Variants in C10orf90 observed in about 807,000 individuals in gnomAD.
The protein encoded by C10orf90 is chromosome 10 open reading frame 90, also known as (E2-independent) E3 ubiquitin-conjugating enzyme FATS.
C10orf90 carries 56 observed loss-of-function variants against 62.5 expected under a neutral mutation model. The ratio of observed to expected loss-of-function variants is 0.90; its 90% CI spans 0.72 to 1.12. The LOEUF is 1.12. C10orf90 is among the 50% of genes most tolerant of loss of function. The pLI is 0.00. For synonymous variants in C10orf90, 386 were observed against 340.4 expected (o/e 1.13, Z -1.47); for missense variants, 970 against 880.4 (o/e 1.10, Z -1.29).
In C10orf90 at chr10:126,527,353, TTTC is replaced by T. The variant is rs1386010741; in HGVS notation, c.314-13417_314-13415del. Among the ~76,000 whole-genome samples the T allele has an allele frequency of 3.3e-5, 5 of 152,346 alleles. No individual in the cohort carries two copies. In the East Asian group the frequency reaches 7.7e-4, roughly 23 times the overall value. ...TTCATGTGCTTATTGGCCATTTGCC[TTTC>T]TTCTTTGGAAAAATGTCTATCCAGA... On this transcript the variant is annotated intron_variant, in intron 2 of 9. Coordinates refer to ENST00000488181, the MANE Select transcript of C10orf90 (RefSeq NM_001350921.2).
intron 1 of C10orf90, among the ~76,000 whole-genome samples, chr10:126,668,844 C>T (rs1457615893): frequency 1.3e-5 from 2 of 152,114 alleles, no homozygotes; most frequent in African/African-American, 4.8e-5. Flanking sequence ...GTAGCTGTGA[C>T]TGTCATATAT....
chr10:126,457,112 C>G (rs995646613), intron 7 of C10orf90, among the ~76,000 whole-genome samples: 4 of 152,174 alleles, frequency 2.6e-5, no homozygotes, highest in Non-Finnish European at 5.9e-5. Flanking sequence ...CCTCAGCCTC[C>G]CAAGTAGCTG....
chr10:126,491,664 T>C (rs1861781109), intron 4 of C10orf90, among the ~76,000 whole-genome samples: 1 of 152,220 alleles, frequency 6.6e-6, no homozygotes, highest in Admixed American at 6.5e-5. Flanking sequence ...GAGGAGCTTT[T>C]GTGATTCACA....
rs529570297 is a variant in C10orf90, at chr10:126,485,803, C to T, written c.1534+18154G>A. On this transcript the variant is annotated intron_variant, in intron 4 of 9. Transcript: ENST00000488181. Reference sequence around the variant, plus strand: ...AAAAAAAAAAATACAAAAAATTAGCCGGGCGTCGTGGTGGGCACCTGTAGT... The same window carrying T: ...AAAAAAAAAAATACAAAAAATTAGCTGGGCGTCGTGGTGGGCACCTGTAGT... Among the ~76,000 whole-genome samples the T allele has an allele frequency of 1.6e-4, 24 of 151,588 alleles. 1 individual carries two copies. In the East Asian group the frequency reaches 3.3e-3, roughly 21 times the overall value.
intron 2 of C10orf90, among the ~76,000 whole-genome samples, chr10:126,526,526 G>A (rs920274898): frequency 9.9e-5 from 15 of 152,166 alleles, no homozygotes; most frequent in Admixed American, 7.9e-4. Flanking sequence ...TTACAGGTGT[G>A]AGCCACCGCA....
Position 126,597,146 on chromosome 10 carries a change from T to G in C10orf90, c.313+49419A>C, listed in dbSNP as rs539809342. ...TTCACTTTGGAATACTGTTTGGCAA[T>G]TTCTTATAAAGTTAAATATATGTTT... On this transcript the variant is annotated intron_variant, in intron 2 of 9. Coordinates refer to ENST00000488181, the MANE Select transcript of C10orf90 (RefSeq NM_001350921.2). 4.6e-5 allele frequency among the ~76,000 whole-genome samples: 7 copies of G among 152,338 alleles called. No individual in the cohort carries two copies. The East Asian group carries it at 1.3e-3, about 29-fold the overall frequency.
rs183727821 is a variant in C10orf90, at chr10:126,602,686, T to C, written c.313+43879A>G. ...TCATTTGCTCTGATAGTAGAGGCAATTTAACCCCTCAAAAAGCAAGATGGG... is the reference window on the plus strand; with the variant it reads ...TCATTTGCTCTGATAGTAGAGGCAACTTAACCCCTCAAAAAGCAAGATGGG... On this transcript the variant is annotated intron_variant, in intron 2 of 9. Coordinates refer to ENST00000488181, the MANE Select transcript of C10orf90 (RefSeq NM_001350921.2). Among the ~76,000 whole-genome samples, 5 of 152,142 alleles carry C rather than the reference T, an allele frequency of 3.3e-5. No individual in the cohort carries two copies. The East Asian group carries it at 9.7e-4, about 29-fold the overall frequency.
At chr10:126,573,796 A>G (rs781307332) in intron 2 of C10orf90, among the ~76,000 whole-genome samples, 17 of 152,176 alleles carry the variant, frequency 1.1e-4, no homozygotes, top group Admixed American at 2.6e-4. Flanking sequence ...GAAACTCAGA[A>G]AGTATTTCAC....
chr10:126,489,224 G>GA (rs1189870981), intron 4 of C10orf90, among the ~76,000 whole-genome samples: 2 of 151,948 alleles, frequency 1.3e-5, no homozygotes, highest in Admixed American at 6.6e-5. Context: ...TGTAACATAT[G>GA]AAAAAATCAA....
chr10:126,545,524 G>T (rs983428133), intron 2 of C10orf90, among the ~76,000 whole-genome samples: 2 of 151,946 alleles, frequency 1.3e-5, no homozygotes, highest in Non-Finnish European at 2.9e-5. Flanking sequence ...GCTACTTCAG[G>T]CTTACTCTAG....
rs144367116 is a variant in C10orf90 at position 126,628,605 on chromosome 10, A to G, written c.313+17960T>C. On this transcript the variant is annotated intron_variant, in intron 2 of 9. Coordinates refer to ENST00000488181, the MANE Select transcript of C10orf90 (RefSeq NM_001350921.2). ...ATCTTGCTAGAGGTCAGGCTCCCCA[A>G]TGCAAGGCAAGTTCTATTGGCTCTG... is the stretch of plus-strand genomic sequence containing the variant. Among the ~76,000 whole-genome samples, 81 of 152,316 alleles carry G rather than the reference A, an allele frequency of 5.3e-4. 1 individual carries two copies. Among genetic ancestry groups the G allele is most frequent in the Middle Eastern group, 3.4e-3 (1 of 294 alleles).
At chr10:126,554,064 G>A (rs746448632) in intron 2 of C10orf90, among the ~76,000 whole-genome samples, 3 of 151,244 alleles carry the variant, frequency 2.0e-5, no homozygotes, top group African/African-American at 4.9e-5. Flanking sequence ...AGACACACAC[G>A]CACACACACA....
intron 2 of C10orf90, among the ~76,000 whole-genome samples, chr10:126,527,680 C>T (rs1318438981): frequency 1.3e-5 from 2 of 152,204 alleles, no homozygotes; most frequent in African/African-American, 4.8e-5. Context: ...GCCTCAGCTT[C>T]CCCATCTGCG....
chr10:126,594,591 A>G (rs942142929), intron 2 of C10orf90, among the ~76,000 whole-genome samples: 1 of 152,210 alleles, frequency 6.6e-6, no homozygotes, highest in African/African-American at 2.4e-5. Flanking sequence ...AAATAAATAT[A>G]TAAATAAGTA....
intron 2 of C10orf90, among the ~76,000 whole-genome samples, chr10:126,602,877 A>T (rs1233723272): frequency 1.3e-5 from 2 of 151,782 alleles, no homozygotes; most frequent in Non-Finnish European, 2.9e-5. Flanking sequence ...GTTGAAATAC[A>T]TTCCAAAGGG....
chr10:126,564,749 T>A (rs1277588904), intron 2 of C10orf90, among the ~76,000 whole-genome samples: 1 of 134,440 alleles, frequency 7.4e-6, no homozygotes, highest in African/African-American at 2.9e-5. Context: ...ATCCCCACCC[T>A]CCTGAAGGCG....
intron 2 of C10orf90, among the ~76,000 whole-genome samples, chr10:126,620,451 A>T (rs1283984117): frequency 1.3e-5 from 2 of 152,172 alleles, no homozygotes; most frequent in African/African-American, 4.8e-5. Context: ...GCCTTAATCA[A>T]TTTTTTAAAA....
At chr10:126,513,508 C>T (rs1244238745) in intron 3 of C10orf90, among the ~76,000 whole-genome samples, 1 of 152,196 alleles carries the variant, frequency 6.6e-6, no homozygotes, top group African/African-American at 2.4e-5. Flanking sequence ...GCAGTTCTAA[C>T]AACCTATACC....
chr10:126,545,013 C>T (rs1165283583), intron 2 of C10orf90, among the ~76,000 whole-genome samples: 1 of 152,176 alleles, frequency 6.6e-6, no homozygotes, highest in African/African-American at 2.4e-5. Context: ...GAGATAAATG[C>T]TGACCTATTA....
Sources: gnomAD v4.1 joint callset for allele counts (sites outside exome capture counted in the v4.1 genomes callset) on GRCh38, gnomAD v4.1.1 for gene constraint, MANE v1.5 for transcripts, NCBI Gene and HGNC (gene_info 2026-07-23, HGNC 2026-07-21) for gene names.